Variants in KDM4C observed in about 807,000 individuals in gnomAD.
KDM4C encodes the protein lysine-specific demethylase 4C.
In KDM4C, 81 loss-of-function variants were observed where a neutral mutation model predicts 129.3. The observed-to-expected ratio is 0.63, with a 90% CI of 0.52 to 0.75. The LOEUF (loss-of-function observed/expected upper bound fraction) is 0.75. Ranked by LOEUF, KDM4C falls within the 30% of genes least tolerant of loss-of-function variation. The pLI is 0.00. For synonymous variants in KDM4C, 573 were observed against 456.1 expected, an observed-to-expected ratio of 1.26 and a Z score of -3.26; for missense variants, 1,457 against 1,304.0, an observed-to-expected ratio of 1.12 and a Z score of -1.81.
intron 1 of KDM4C, among the ~76,000 whole-genome samples, chr9:6,732,350 G>C (rs1450448549): frequency 9.3e-6 from 1 of 107,502 alleles, no homozygotes. Flanking sequence ...GGGTGACAGA[G>C]CAAGACTCTG....
At chr9:6,964,754 C>T (rs1170855779) in intron 8 of KDM4C, among the ~76,000 whole-genome samples, 1 of 132,630 alleles carries the variant, frequency 7.5e-6, no homozygotes, top group East Asian at 2.8e-4. Context: ...TGCACTCCAG[C>T]CTGGGGGACA....
At chr9:6,822,604 A>G (rs1263343105) in intron 4 of KDM4C, among the ~76,000 whole-genome samples, 1 of 151,936 alleles carries the variant, frequency 6.6e-6, no homozygotes, top group Non-Finnish European at 1.5e-5. Context: ...TTTTTTTGTT[A>G]TGTTTCACTA....
At chr9:6,987,308 A>G (rs1320182999) in intron 11 of KDM4C, among the ~76,000 whole-genome samples, 1 of 152,132 alleles carries the variant, frequency 6.6e-6, no homozygotes, top group Non-Finnish European at 1.5e-5. Context: ...CTCTGAGAAA[A>G]GACTCCTCTA....
chr9:7,040,912 G>A (rs1042350942), intron 15 of KDM4C, among the ~76,000 whole-genome samples: 1 of 151,366 alleles, frequency 6.6e-6, no homozygotes, highest in African/African-American at 2.4e-5. Context: ...TTGATCTGTA[G>A]GTTGATATCT....
chr9:6,746,423 A>C (rs1027499234), intron 1 of KDM4C, among the ~76,000 whole-genome samples: 9 of 149,614 alleles, frequency 6.0e-5, no homozygotes, highest in Non-Finnish European at 8.9e-5. Context: ...CGCTCGCCAC[A>C]ACGCCCGGCT....
At chr9:6,760,344 T>A (rs181441899) in intron 1 of KDM4C, among the ~76,000 whole-genome samples, 4 of 152,052 alleles carry the variant, frequency 2.6e-5, no homozygotes, top group Non-Finnish European at 5.9e-5. Context: ...TGTTTATTCA[T>A]CAGTTGGTAG....
At chr9:6,781,543 T>C (rs1459585388) in intron 1 of KDM4C, among the ~76,000 whole-genome samples, 2 of 152,180 alleles carry the variant, frequency 1.3e-5, no homozygotes, top group Non-Finnish European at 2.9e-5. Context: ...GGTATTCTTG[T>C]ACTTAGAAAC....
intron 8 of KDM4C, among the ~76,000 whole-genome samples, chr9:6,939,976 A>ACCTTCCTTCCTTCCTT (rs1186438155): frequency 0.024 from 2,223 of 93,364 alleles, 84 homozygotes; most frequent in Middle Eastern, 0.025. Flanking sequence ...CTACCTACCT[A>ACCTTCCTTCCTTCCTT]CCTTCCTTCC....
chr9:7,156,849 T>G (rs1843229346), intron 19 of KDM4C, among the ~76,000 whole-genome samples: 1 of 152,208 alleles, frequency 6.6e-6, no homozygotes, highest in South Asian at 2.1e-4. Context: ...CTTTTTTGGT[T>G]CCATATGAAC....
At chr9:7,092,163 C>T (rs918971520) in intron 17 of KDM4C, among the ~76,000 whole-genome samples, 5 of 151,984 alleles carry the variant, frequency 3.3e-5, no homozygotes, top group Admixed American at 1.3e-4. Flanking sequence ...TAGGAATGAC[C>T]GTGTTTGTGA....
chr9:6,991,048 C>T (rs1818647746), intron 12 of KDM4C, among the ~76,000 whole-genome samples: 1 of 152,000 alleles, frequency 6.6e-6, no homozygotes, highest in Non-Finnish European at 1.5e-5. Context: ...AATCATTTAC[C>T]ATTCCTAGAT....
At chr9:6,752,311 C>G (rs1372754509) in intron 1 of KDM4C, among the ~76,000 whole-genome samples, 1 of 95,466 alleles carries the variant, frequency 1.0e-5, no homozygotes, top group Non-Finnish European at 1.9e-5. Flanking sequence ...CCAGCCTGGG[C>G]GACAGAGCGA....
intron 1 of KDM4C, among the ~76,000 whole-genome samples, chr9:6,784,792 G>C (rs1307847507): frequency 6.6e-6 from 1 of 152,194 alleles, no homozygotes; most frequent in Non-Finnish European, 1.5e-5. Flanking sequence ...TCTTTGCTGT[G>C]TTGCTTTCTA....
intron 1 of KDM4C, among the ~76,000 whole-genome samples, chr9:6,722,171 C>G (rs957221442): frequency 5.3e-5 from 8 of 152,248 alleles, no homozygotes; most frequent in South Asian, 2.1e-4. Flanking sequence ...GGTCACGAAG[C>G]CTTTTTGGAA....
intron 3 of KDM4C, among the ~76,000 whole-genome samples, chr9:6,807,182 A>T (rs1186443455): frequency 2.0e-5 from 3 of 151,926 alleles, no homozygotes; most frequent in Admixed American, 6.6e-5. Context: ...AGTCTCGTTC[A>T]CTCAGTGCTC....
chr9:6,865,615 GGAGTTCAGTGGC>G (rs1186793681), intron 5 of KDM4C, among the ~76,000 whole-genome samples: 6 of 152,066 alleles, frequency 3.9e-5, no homozygotes, highest in South Asian at 2.1e-4. Context: ...CACCTGGGCT[GGAGTTCAGTGGC>G]GTGATCTCAG....
At chr9:6,872,229 T>A (rs1842907657) in intron 5 of KDM4C, among the ~76,000 whole-genome samples, 1 of 152,184 alleles carries the variant, frequency 6.6e-6, no homozygotes, top group Non-Finnish European at 1.5e-5. Context: ...ATAGTCTAGC[T>A]GAAGGCTGAT....
intron 17 of KDM4C, among the ~76,000 whole-genome samples, chr9:7,098,329 C>A (rs1836689134): frequency 1.3e-5 from 2 of 152,180 alleles, no homozygotes; most frequent in Non-Finnish European, 2.9e-5. Flanking sequence ...AGCTTTCTCA[C>A]CTTTTGCAGG....
chr9:6,733,996 C>T lies in KDM4C; in HGVS notation c.49+12999C>T, dbSNP rs562442357. The stretch of plus-strand genomic sequence containing the variant: ...TCTTTACTGCAGCCTGTTTTATCAG[C>T]AAGGTCTTTATGAGCTATATCTTGT... On this transcript the variant is annotated intron_variant, in intron 1 of 17. Coordinates refer to the KDM4C transcript ENST00000536108. 3.9e-5 allele frequency among the ~76,000 whole-genome samples: 6 copies of T among 152,262 alleles called. No individual in the cohort carries two copies. The South Asian group carries it at 1.2e-3, about 32-fold the overall frequency.
Sources: allele counts gnomAD v4.1 joint callset (sites outside exome capture counted in the v4.1 genomes callset), GRCh38; gene constraint gnomAD v4.1.1; transcripts MANE v1.5; gene names NCBI Gene and HGNC (gene_info 2026-07-23, HGNC 2026-07-21).